The following KLF8 variants were observed in gnomAD, a reference collection of about 807,000 sequenced individuals.
KLF8 encodes KLF transcription factor 8.
KLF8 carries 10 observed loss-of-function variants against 18.2 expected under a neutral mutation model. The ratio of observed to expected loss-of-function variants is 0.55; its 90% CI spans 0.34 to 0.93. The LOEUF (loss-of-function observed/expected upper bound fraction) is 0.93. Among genes scored for constraint, KLF8 ranks in the 40% least tolerant of loss-of-function variants. The probability of loss-of-function intolerance (pLI) is 0.02; values close to 1 mark genes in which losing one functional copy is unlikely to be tolerated. For missense variants in KLF8, 264 were observed against 277.9 expected, an observed-to-expected ratio of 0.95 and a Z score of 0.36; for synonymous variants, 109 against 97.3, an observed-to-expected ratio of 1.12 and a Z score of -0.71.
At chrX:55,998,500 G>A in the KLF8 span, among the ~76,000 whole-genome samples, 1 of 112,532 alleles carries the variant, frequency 8.9e-6, no homozygotes, top group African/African-American at 3.2e-5. Flanking sequence ...CTCTTAAAGA[G>A]CGTGTTGCCT....
chrX:56,197,464 A>G, the KLF8 span, among the ~76,000 whole-genome samples: 1 of 112,115 alleles, frequency 8.9e-6, no homozygotes, highest in Non-Finnish European at 1.9e-5. Context: ...AAACACCTCC[A>G]CACAAATAAA....
chrX:56,131,643 A>G, the KLF8 span, among the ~76,000 whole-genome samples: 23 of 111,913 alleles, frequency 2.1e-4, no homozygotes, highest in Admixed American at 7.6e-4. Flanking sequence ...TCTCAATACT[A>G]AAGTTGAATG....
the KLF8 span, among the ~76,000 whole-genome samples, chrX:56,150,638 A>C: frequency 9.0e-6 from 1 of 110,508 alleles, no homozygotes; most frequent in Non-Finnish European, 1.9e-5. Flanking sequence ...GTTCCTCAAA[A>C]ATAGTCTCTC....
intron 1 of KLF8, among the ~76,000 whole-genome samples, chrX:56,236,899 G>A (rs1427109713): frequency 9.8e-6 from 1 of 101,598 alleles, no homozygotes; most frequent in Non-Finnish European, 2.0e-5. Context: ...TGTAGTATTG[G>A]GCTCATTTGT....
chrX:56,053,616 G>T, the KLF8 span, among the ~76,000 whole-genome samples: 1 of 103,436 alleles, frequency 9.7e-6, no homozygotes, highest in Non-Finnish European at 2.0e-5. Context: ...TTAGTATTTA[G>T]TTGTGAATTC....
the KLF8 span, among the ~76,000 whole-genome samples, chrX:55,941,859 A>G: frequency 3.6e-5 from 4 of 111,996 alleles, no homozygotes; most frequent in Non-Finnish European, 7.5e-5. Context: ...TTAAAAAGTC[A>G]GAAAACAACA....
chrX:56,039,206 T>C, the KLF8 span, among the ~76,000 whole-genome samples: 2 of 112,224 alleles, frequency 1.8e-5, no homozygotes, highest in African/African-American at 6.5e-5. Context: ...AGAAGCTCTT[T>C]AGTTTAGTTA....
chrX:55,986,516 G>A, the KLF8 span, among the ~76,000 whole-genome samples: 1 of 111,878 alleles, frequency 8.9e-6, no homozygotes, highest in East Asian at 2.8e-4. Context: ...TGCCTAGTCA[G>A]TCCCAGTATG....
chrX:56,081,618 C>T, the KLF8 span, among the ~76,000 whole-genome samples: 1 of 111,876 alleles, frequency 8.9e-6, no homozygotes, highest in African/African-American at 3.2e-5. Context: ...GAATTTTTTA[C>T]AAATGCCTTC....
the KLF8 span, among the ~76,000 whole-genome samples, chrX:56,162,356 C>T: frequency 1.8e-5 from 2 of 112,200 alleles, no homozygotes; most frequent in African/African-American, 6.5e-5. Flanking sequence ...TGGCTATGCC[C>T]TGCCCCGGTG....
At chrX:56,175,116 A>T in the KLF8 span, among the ~76,000 whole-genome samples, 2 of 110,567 alleles carry the variant, frequency 1.8e-5, no homozygotes, top group Non-Finnish European at 3.8e-5. Context: ...CTCTGATCTT[A>T]GTTATTTCTT....
At chrX:55,991,367 G>A in the KLF8 span, among the ~76,000 whole-genome samples, 4 of 112,003 alleles carry the variant, frequency 3.6e-5, no homozygotes, top group African/African-American at 9.7e-5. Context: ...TGCAGTATTA[G>A]GGTGGGAGTG....
the KLF8 span, among the ~76,000 whole-genome samples, chrX:56,052,176 T>G: frequency 9.0e-6 from 1 of 110,613 alleles, no homozygotes; most frequent in African/African-American, 3.3e-5. Flanking sequence ...TCTTCTAAAT[T>G]TTTTTCAAAG....
At chrX:56,044,104 C>T in the KLF8 span, among the ~76,000 whole-genome samples, 1 of 111,948 alleles carries the variant, frequency 8.9e-6, no homozygotes, top group East Asian at 2.8e-4. Flanking sequence ...ACCCCAGTTG[C>T]CTCACTTTCT....
chrX:56,285,051 A>G lies in KLF8; in HGVS notation c.*557A>G. The G allele has an allele frequency of 8.9e-6, 1 of 111,776 alleles. No individual in the cohort carries two copies. The highest frequency in any genetic ancestry group is 1.9e-5 in the Non-Finnish European group (1 of 53,255). The allele number at this position is 111,776 out of a possible 1,213,427, so 9.2% of individuals were successfully genotyped here. On this transcript the variant is annotated 3_prime_UTR_variant, in exon 6 of 6. Transcript: ENST00000468660. ...TCCCAGTGAATAAGCTGAGTCCCATACCACACTCAAAAGGTTTTAATAAAT... is the reference window on the plus strand; with the variant it reads ...TCCCAGTGAATAAGCTGAGTCCCATGCCACACTCAAAAGGTTTTAATAAAT...
At chrX:56,140,123 T>C in the KLF8 span, among the ~76,000 whole-genome samples, 1 of 112,468 alleles carries the variant, frequency 8.9e-6, no homozygotes, top group African/African-American at 3.2e-5. Flanking sequence ...CCAGCAAGAT[T>C]GTGGTGAAAA....
chrX:56,040,802 T>G, the KLF8 span, among the ~76,000 whole-genome samples: 1 of 32,747 alleles, frequency 3.1e-5, no homozygotes, highest in African/African-American at 5.6e-4. Flanking sequence ...GATACCAGCT[T>G]TTTTTTTTTT....
At chrX:56,111,734 CTCA>C in the KLF8 span, among the ~76,000 whole-genome samples, 8 of 112,053 alleles carry the variant, frequency 7.1e-5, no homozygotes, top group African/African-American at 2.6e-4. Context: ...GAAAAAAAAG[CTCA>C]TCATCACTCG....
At chrX:55,988,324 T>A in the KLF8 span, among the ~76,000 whole-genome samples, 1 of 111,640 alleles carries the variant, frequency 9.0e-6, no homozygotes, top group Non-Finnish European at 1.9e-5. Flanking sequence ...CTAGGGTTTT[T>A]ATGGTTTTAG....
Sources: allele counts gnomAD v4.1 joint callset (sites outside exome capture counted in the v4.1 genomes callset), GRCh38; gene constraint gnomAD v4.1.1; transcripts MANE v1.5; gene names NCBI Gene and HGNC (gene_info 2026-07-23, HGNC 2026-07-21).